Variants in BCL11A observed in about 807,000 individuals in gnomAD.
BCL11A encodes B cell CLL/lymphoma 11A.
Under a neutral mutation model 55.9 loss-of-function variants are expected in BCL11A, and 2 were observed. That is an observed-to-expected ratio of 0.04 (90% CI 0.01 to 0.11). The LOEUF (loss-of-function observed/expected upper bound fraction) is 0.11, where lower values mean the gene tolerates loss of function less well. Ranked by LOEUF, BCL11A falls within the 10% of genes least tolerant of loss-of-function variation. The probability of loss-of-function intolerance (pLI) is 1.00; values close to 1 mark genes in which losing one functional copy is unlikely to be tolerated. For synonymous variants in BCL11A, 465 were observed against 473.4 expected (o/e 0.98, Z 0.23); for missense variants, 817 against 1,137.1 (o/e 0.72, Z 4.05).
At chr2:60,500,762 T>C (rs1282480057) in intron 2 of BCL11A, among the ~76,000 whole-genome samples, 1 of 152,134 alleles carries the variant, frequency 6.6e-6, no homozygotes, top group East Asian at 1.9e-4. Context: ...AGATGAACAC[T>C]CAGGCTCCCA....
chr2:60,519,565 G>A (rs1668886306), intron 2 of BCL11A, among the ~76,000 whole-genome samples: 1 of 151,782 alleles, frequency 6.6e-6, no homozygotes, highest in Non-Finnish European at 1.5e-5. Flanking sequence ...CTGCCTGCCT[G>A]CCTGCCTGCC....
intron 2 of BCL11A, among the ~76,000 whole-genome samples, chr2:60,505,710 G>A (rs1236360028): frequency 6.6e-6 from 1 of 152,222 alleles, no homozygotes; most frequent in African/African-American, 2.4e-5. Flanking sequence ...CCCGGAAGCA[G>A]GGGACACAGC....
intron 2 of BCL11A, chr2:60,524,615 C>G (rs1488246915): frequency 1.3e-5 from 2 of 152,014 alleles, no homozygotes; most frequent in African/African-American, 4.8e-5. Context: ...ATTAAAGAGG[C>G]AGTAATTTAA....
intron 2 of BCL11A, among the ~76,000 whole-genome samples, chr2:60,485,286 C>T (rs45538833): frequency 0.07 from 10,698 of 152,260 alleles, 503 homozygotes; most frequent in Non-Finnish European, 0.11. Flanking sequence ...CCAGACTGAA[C>T]GGCACAGTGA....
intron 1 of BCL11A, among the ~76,000 whole-genome samples, chr2:60,552,532 C>G (rs1006283796): frequency 6.6e-6 from 1 of 152,196 alleles, no homozygotes; most frequent in Non-Finnish European, 1.5e-5. Flanking sequence ...GTGCCGGCCG[C>G]GTCTCCCGTC....
intron 2 of BCL11A, chr2:60,534,148 G>C (rs890078027): frequency 6.6e-6 from 1 of 152,244 alleles, no homozygotes; most frequent in African/African-American, 2.4e-5. Context: ...GAAACCGTTA[G>C]TTAGCACCTT....
chr2:60,544,216 C>T (rs1359608701), intron 2 of BCL11A: 1 of 152,200 alleles, frequency 6.6e-6, no homozygotes, highest in Non-Finnish European at 1.5e-5. Context: ...TATGTAAATA[C>T]GATGTTACAT....
At chr2:60,500,982 G>A (rs1242813393) in intron 2 of BCL11A, among the ~76,000 whole-genome samples, 1 of 152,132 alleles carries the variant, frequency 6.6e-6, no homozygotes, top group African/African-American at 2.4e-5. Context: ...GCATTTCTGG[G>A]TCGCTGCATC....
At chr2:60,524,659 A>G (rs575008476) in intron 2 of BCL11A, 1 of 152,238 alleles carries the variant, frequency 6.6e-6, no homozygotes, top group South Asian at 2.1e-4. Context: ...TATAGATCTC[A>G]AGAGTGCCTG....
At chr2:60,503,195 GC>G (rs1679392475) in intron 2 of BCL11A, among the ~76,000 whole-genome samples, 1 of 152,180 alleles carries the variant, frequency 6.6e-6, no homozygotes, top group Non-Finnish European at 1.5e-5. Context: ...AGATGGAGAA[GC>G]CACATCACCC....
At chr2:60,538,749 G>C (rs919786712) in intron 2 of BCL11A, among the ~76,000 whole-genome samples, 28 of 148,796 alleles carry the variant, frequency 1.9e-4, no homozygotes, top group Non-Finnish European at 2.5e-4. Context: ...CTGTGTGTGT[G>C]TGTGTGTGTG....
chr2:60,461,721 G>A lies in BCL11A; in HGVS notation c.1191C>T (p.Arg397=), dbSNP rs202191096. Residue 397 remains arginine, a synonymous_variant, in exon 4 of 4, where the codon CGC becomes CGT. Transcript: ENST00000642384. ...KFQSNLVVHR[R]SHTGEKPYKC... ...TGTAGGGCTTCTCGCCCGTGTGGCT[G>A]CGCCGGTGCACCACCAGGTTGCTCT... is the stretch of plus-strand genomic sequence containing the variant. 1.2e-6 allele frequency: 2 copies of A among 1,614,072 alleles called. No homozygotes were observed. The highest frequency in any genetic ancestry group is 2.2e-5 in the East Asian group (1 of 44,880).
chr2:60,515,182 T>C (rs1384854388), intron 2 of BCL11A, among the ~76,000 whole-genome samples: 1 of 152,192 alleles, frequency 6.6e-6, no homozygotes, highest in African/African-American at 2.4e-5. Flanking sequence ...TGCTTGACCA[T>C]GGGGTGAAAG....
At chr2:60,517,474 G>T (rs1409385815) in intron 2 of BCL11A, among the ~76,000 whole-genome samples, 1 of 152,228 alleles carries the variant, frequency 6.6e-6, no homozygotes, top group African/African-American at 2.4e-5. Flanking sequence ...TGGTGGTTTT[G>T]TTGCTTGGGT....
rs1305216224 is a variant in BCL11A at position 60,460,196 on chromosome 2, A to G, written c.*208T>C. The stretch of plus-strand genomic sequence containing the variant: ...AAAAAAAAAAAAGGAAAAAGAAAAA[A>G]GAAAAAGAAAAAGAAAAAAAACAGG... On this transcript the variant is annotated 3_prime_UTR_variant, in exon 4 of 4. Transcript: ENST00000642384. 10 of 1,302,494 alleles carry G rather than the reference A, an allele frequency of 7.7e-6. No individual in the cohort carries two copies. Among genetic ancestry groups the G allele is most frequent in the African/African-American group, 4.6e-5 (3 of 65,914 alleles). 80.7% of individuals were successfully genotyped at this position (1,302,494 alleles called of 1,614,324 possible). A position where few individuals can be genotyped will look rare whatever the true frequency, so the allele number is the denominator to read the frequency against.
intron 2 of BCL11A, among the ~76,000 whole-genome samples, chr2:60,512,152 C>T (rs1391176997): frequency 3.9e-5 from 6 of 152,172 alleles, no homozygotes; most frequent in African/African-American, 4.8e-5. Context: ...GCAGATGAAC[C>T]CCTGTGCTCA....
chr2:60,541,408 A>C (rs1047147988), intron 2 of BCL11A, among the ~76,000 whole-genome samples: 38 of 152,226 alleles, frequency 2.5e-4, no homozygotes, highest in African/African-American at 8.0e-4. Context: ...AGCTTTCAAA[A>C]GTCCTGACAA....
intron 2 of BCL11A, among the ~76,000 whole-genome samples, chr2:60,540,949 TG>T (rs1669896279): frequency 2.9e-5 from 1 of 34,336 alleles, no homozygotes; most frequent in Non-Finnish European, 7.2e-5. Context: ...ACTGGTTTTG[TG>T]TGTGTGTGTG....
rs910761603 is a variant in BCL11A, at chr2:60,459,046, ATAGT to A, written c.*1354_*1357del. 9 of 1,017,094 alleles carry A rather than the reference ATAGT, an allele frequency of 8.8e-6. No individual in the cohort carries two copies. In the African/African-American group the frequency reaches 1.4e-4, roughly 15 times the overall value. 63.0% of individuals were successfully genotyped at this position (1,017,094 alleles called of 1,614,324 possible). ...ATTTAAATGCAAGTCTTAAGAATTC[ATAGT>A]TAATCATCATTGTATCAATATTAGC... On this transcript the variant is annotated 3_prime_UTR_variant, in exon 4 of 4. Transcript: ENST00000642384.
Sources: gnomAD v4.1 joint callset for allele counts (sites outside exome capture counted in the v4.1 genomes callset) on GRCh38, gnomAD v4.1.1 for gene constraint, MANE v1.5 for transcripts, NCBI Gene and HGNC (gene_info 2026-07-23, HGNC 2026-07-21) for gene names.